The following COL5A3 variants were observed in gnomAD, a reference collection of about 807,000 sequenced individuals.
COL5A3 encodes collagen type V alpha 3 chain.
Under a neutral mutation model 250.0 loss-of-function variants are expected in COL5A3, and 172 were observed. The ratio of observed to expected loss-of-function variants is 0.69; its 90% confidence interval spans 0.61 to 0.78. COL5A3 has a LOEUF of 0.78. Ranked by LOEUF, COL5A3 falls within the 30% of genes least tolerant of loss-of-function variation. COL5A3 has a pLI of 0.00. For missense variants in COL5A3, 2,340 were observed against 2,334.4 expected, an observed-to-expected ratio of 1.00 and a Z score of -0.05; for synonymous variants, 937 against 900.4, an observed-to-expected ratio of 1.04 and a Z score of -0.73.
intron 45 of COL5A3, among the ~76,000 whole-genome samples, chr19:9,975,905 G>C (rs557606382): frequency 6.6e-6 from 1 of 152,064 alleles, no homozygotes; most frequent in Non-Finnish European, 1.5e-5. Context: ...GGTTGGGATT[G>C]GGCCAGATTC....
chr19:9,968,431 TG>T lies in COL5A3; in HGVS notation c.4267del (p.Gln1423ArgfsTer37), dbSNP rs1483689030. 2 of 1,590,914 alleles carry T rather than the reference TG, an allele frequency of 1.3e-6. No homozygotes were observed. The highest frequency in any genetic ancestry group is 1.7e-6 in the Non-Finnish European group (2 of 1,174,280). ...GGGTCCCTGCACGCCTGGCAACCCC[TG>T]ATCTCCTTTCTCACCAGCTTCTCCC... ...PPGEAGEKGD[Q>X]GLPGVQGPPG... On this transcript the variant is annotated frameshift_variant, in exon 59 of 67. Coordinates refer to ENST00000264828, the MANE Select transcript of COL5A3 (RefSeq NM_015719.4). LOFTEE classifies it high-confidence loss of function. The surrounding 1 kb of genome is among the most constrained non-coding windows in gnomAD (Gnocchi z 4.1).
chr19:9,983,584 GAA>G (rs1272888594), intron 31 of COL5A3, among the ~76,000 whole-genome samples: 3,204 of 90,742 alleles, frequency 0.035, 219 homozygotes, highest in African/African-American at 0.073. Context: ...AAGAAAGAAA[GAA>G]AGAAAGAAAG....
intron 65 of COL5A3, among the ~76,000 whole-genome samples, chr19:9,961,133 T>G (rs2086667425): frequency 6.6e-6 from 1 of 152,104 alleles, no homozygotes; most frequent in Non-Finnish European, 1.5e-5. Context: ...TCCCAAATTC[T>G]GATTGCTTCA....
rs565278340 is a variant in COL5A3, at chr19:9,977,683, C to G, written c.3037G>C (p.Gly1013Arg). 2 of 1,600,260 alleles carry G rather than the reference C, an allele frequency of 1.2e-6. No homozygotes were observed. The highest frequency in any genetic ancestry group is 2.2e-5 in the South Asian group (2 of 89,498). The change falls in exon 42 of 67, where the codon GGT (glycine) becomes CGT (arginine). Residue 1013 changes from glycine to arginine, a missense_variant. Physicochemically the swap from Gly to Arg is moderately radical, Grantham distance 125. This residue lies in a region of COL5A3 where 1,179 missense variants were observed against 1,162.6 expected (regional missense o/e 1.01). Coordinates refer to ENST00000264828, the MANE Select transcript of COL5A3 (RefSeq NM_015719.4). ...ATGCCTCCTGCTGGGCCCAAAGGAC[C>G]GCGCTCACCAGGGGAGCCCTGAGAA... is the stretch of plus-strand genomic sequence containing the variant. ...VGANGSPGER[G>R]PLGPAGGIGL...
chr19:9,987,034 G>T (rs2087111257), intron 27 of COL5A3, among the ~76,000 whole-genome samples: 1 of 152,134 alleles, frequency 6.6e-6, no homozygotes. Context: ...GTTCCTTCTG[G>T]CAGGAGAAAG....
At chr19:9,976,295 C>T (rs1174285431) in intron 45 of COL5A3, among the ~76,000 whole-genome samples, 7 of 131,026 alleles carry the variant, frequency 5.3e-5, no homozygotes, top group East Asian at 2.4e-4. Context: ...GGTGTTTGTA[C>T]TGAGGGGAAG....
At position 9,972,704 on chromosome 19, in the gene COL5A3, C is replaced by T. The variant is rs185437462; in HGVS notation, c.3774+215G>A. Among the ~76,000 whole-genome samples the T allele has an allele frequency of 1.6e-4, 25 of 152,164 alleles. No individual in the cohort carries two copies. In the East Asian group the frequency reaches 4.1e-3, roughly 25 times the overall value. Reference sequence around the variant, plus strand: ...TACAAAAATTAGCTGGGTGTGGTGGCGCGTGCCTGTAGTCCTGGCTACTTG... The same window carrying T: ...TACAAAAATTAGCTGGGTGTGGTGGTGCGTGCCTGTAGTCCTGGCTACTTG... On this transcript the variant is annotated intron_variant, in intron 51 of 66. Coordinates refer to ENST00000264828, the MANE Select transcript of COL5A3 (RefSeq NM_015719.4).
chr19:9,985,417 C>T (rs1395541564), intron 31 of COL5A3, among the ~76,000 whole-genome samples: 2 of 151,114 alleles, frequency 1.3e-5, no homozygotes, highest in South Asian at 2.1e-4. Context: ...TGCACCACCA[C>T]ACCCAGCTAA....
Position 9,981,070 on chromosome 19 carries a change from CACTGTCTATTTTCTT to C in COL5A3, c.2505+3_2505+17del, listed in dbSNP as rs764909133. On this transcript the variant is annotated splice_donor_5th_base_variant and intron_variant, in intron 33 of 66. Transcript: ENST00000264828. ...CCCCAAGTCCCAGCAGGGTAGGGGG[CACTGTCTATTTTCTT>C]ACTGGTGGTCCCCGCTCTCCTTCCA... The C allele has an allele frequency of 6.2e-7, 1 of 1,612,986 alleles. No individual in the cohort carries two copies. Among genetic ancestry groups the C allele is most frequent in the Non-Finnish European group, 8.5e-7 (1 of 1,179,044 alleles).
chr19:9,970,599 C>G, intron 54 of COL5A3, 23 bp downstream of exon 54: 2 of 1,411,638 alleles, frequency 1.4e-6, no homozygotes, highest in Non-Finnish European at 9.3e-7. Flanking sequence ...AGCTGAGGAC[C>G]CAGGAGGTGG....
chr19:9,966,354 C>A lies in COL5A3; in HGVS notation c.4742G>T (p.Gly1581Val), dbSNP rs201817918. The A allele has an allele frequency of 6.2e-7, 1 of 1,609,052 alleles. No individual in the cohort carries two copies. Among genetic ancestry groups the A allele is most frequent in the Admixed American group, 1.7e-5 (1 of 59,556 alleles). Residue 1581 changes from glycine to valine, a missense_variant, in exon 64 of 67, where the codon GGA becomes GTA. Transcript: ENST00000264828. ...GTCGGGATAGAGGCAGGTCTCTCCT[C>A]CCGCCGTGAAGTTGCAAAAAACCCT... ...SFRVFCNFTAGGETCLYPDKK... is the reference protein window; with the variant it reads ...SFRVFCNFTAVGETCLYPDKK...
In COL5A3 at chr19:9,978,909, T is replaced by C; in HGVS notation, c.2946A>G (p.Lys982=). Reference sequence around the variant, plus strand: ...TACTCACCGGGTCCCCAGGGCCCCCTTTGGGGCCGGGAAAGCCCCTGAGTC... The same window carrying C: ...TACTCACCGGGTCCCCAGGGCCCCCCTTGGGGCCGGGAAAGCCCCTGAGTC... ...PAGLRGFPGP[K]GGPGDPGPTG... The change falls in exon 40 of 67, where the codon AAA becomes AAG. Residue 982 remains lysine, a synonymous_variant. Transcript: ENST00000264828. 6.7e-7 allele frequency: 1 copy of C among 1,486,346 alleles called. No individual in the cohort carries two copies. The allele number at this position is 1,486,346 out of a possible 1,614,324, so 92.1% of individuals were successfully genotyped here.
intron 65 of COL5A3, among the ~76,000 whole-genome samples, chr19:9,961,132 C>T (rs2086667394): frequency 6.6e-6 from 1 of 152,134 alleles, no homozygotes; most frequent in South Asian, 2.1e-4. Flanking sequence ...CTCCCAAATT[C>T]TGATTGCTTC....
chr19:10,006,660 TC>T (rs201763979), intron 1 of COL5A3, among the ~76,000 whole-genome samples: 3,434 of 151,934 alleles, frequency 0.023, 63 homozygotes, highest in South Asian at 0.061. Context: ...TGTGTTTTCT[TC>T]CCCCACCTCC....
rs545828610 is a variant in COL5A3, at chr19:9,970,846, G to A, written c.3882+129C>T. On this transcript the variant is annotated intron_variant, in intron 53 of 66. Transcript: ENST00000264828. The stretch of plus-strand genomic sequence containing the variant: ...GCTCACATTCCTGGGGGTCCCCAGA[G>A]AGGTGAAGCGGGAGCATCTGCAGGG... 6.5e-6 allele frequency: 7 copies of A among 1,075,860 alleles called. No individual in the cohort carries two copies. The East Asian group carries it at 1.4e-4, about 22-fold the overall frequency. The allele number at this position is 1,075,860 out of a possible 1,614,324, so 66.6% of individuals were successfully genotyped here. A position where few individuals can be genotyped will look rare whatever the true frequency, so the allele number is the denominator to read the frequency against.
At position 10,004,076 on chromosome 19, in the gene COL5A3, GGA is replaced by G; in HGVS notation, c.662_663del (p.Leu221ProfsTer4). The G allele has an allele frequency of 3.1e-6, 5 of 1,614,056 alleles. No individual in the cohort carries two copies. Among genetic ancestry groups the G allele is most frequent in the Non-Finnish European group, 3.4e-6 (4 of 1,179,958 alleles). ...QAAFQACERY[L>X]PDCDNLAPAA... ...GCCGGTGCCAGGTTGTCACAGTCGGGGAGGTACCGCTCACAAGCCTGGAAGGC... is the reference window on the plus strand; with the variant it reads ...GCCGGTGCCAGGTTGTCACAGTCGGGGGTACCGCTCACAAGCCTGGAAGGC... On this transcript the variant is annotated frameshift_variant, in exon 5 of 67. Coordinates refer to ENST00000264828, the MANE Select transcript of COL5A3 (RefSeq NM_015719.4). LOFTEE classifies it high-confidence loss of function.
chr19:9,999,462 C>CTTTTTTCTTTTTTTTTTTTTT (rs2087324910), intron 8 of COL5A3, among the ~76,000 whole-genome samples: 1 of 122,030 alleles, frequency 8.2e-6, no homozygotes, highest in Non-Finnish European at 1.6e-5. Flanking sequence ...TTCTTTTTTT[C>CTTTTTTCTTTTTTTTTTTTTT]TTTTTTCTTT....
At chr19:9,983,598 A>G (rs11672528) in intron 31 of COL5A3, among the ~76,000 whole-genome samples, 5,609 of 84,404 alleles carry the variant, frequency 0.066, 396 homozygotes, top group South Asian at 0.11. Context: ...GAAAGAAAGA[A>G]AGAGAAAGAG....
chr19:9,989,651 T>C, intron 24 of COL5A3, 129 bp from the exon 25 acceptor site: 1 of 835,154 alleles, frequency 1.2e-6, no homozygotes. Flanking sequence ...AGGAAATCTA[T>C]CCCAGCTCTG....
Sources: gnomAD v4.1 joint callset for allele counts (sites outside exome capture counted in the v4.1 genomes callset) on GRCh38, gnomAD v4.1.1 for gene constraint, gnomAD v4.1.1 regional missense constraint, Gnocchi (gnomAD v3.1) non-coding constraint, MANE v1.5 for transcripts, NCBI Gene and HGNC (gene_info 2026-07-23, HGNC 2026-07-21) for gene names.